The following CERS1 variants were observed in gnomAD, a reference collection of about 807,000 sequenced individuals.
The protein encoded by CERS1 is ceramide synthase 1.
In CERS1, 16 loss-of-function variants were observed where a neutral mutation model predicts 35.7. That is an observed-to-expected ratio of 0.45 (90% CI 0.30 to 0.68). The LOEUF (loss-of-function observed/expected upper bound fraction) is 0.68, where lower values mean the gene tolerates loss of function less well. Among genes scored for constraint, CERS1 ranks in the 30% least tolerant of loss-of-function variants. The probability of loss-of-function intolerance (pLI) is 0.08; values close to 1 mark genes in which losing one functional copy is unlikely to be tolerated. For missense variants in CERS1, 454 were observed against 453.9 expected, an observed-to-expected ratio of 1.00 and a Z score of 0.00; for synonymous variants, 243 against 201.6, an observed-to-expected ratio of 1.21 and a Z score of -1.74.
chr19:18,882,353 C>A (rs1184665382), intron 3 of CERS1, among the ~76,000 whole-genome samples: 1 of 151,960 alleles, frequency 6.6e-6, no homozygotes, highest in Non-Finnish European at 1.5e-5. Context: ...TTTAAACTAA[C>A]CAGACGTGGT....
Position 18,878,103 on chromosome 19 carries a change from A to C in CERS1, c.1010+827T>G. On this transcript the variant is annotated intron_variant, in intron 6 of 7. Transcript: ENST00000623882. The surrounding 1 kb of genome is among the most constrained non-coding windows in gnomAD (Gnocchi z 4.6). ...GAGCTCTGAGCCACTGCTTCCCTGA[A>C]ACCATCGTTCCCACGTCACCGATGG... 1 of 985,596 alleles carries C rather than the reference A, an allele frequency of 1.0e-6. No homozygotes were observed. The highest frequency in any genetic ancestry group is 1.2e-6 in the Non-Finnish European group (1 of 830,016). The allele number at this position is 985,596 out of a possible 1,614,324, so 61.1% of individuals were successfully genotyped here.
At position 18,870,432 on chromosome 19, in the gene CERS1, G is replaced by A; in HGVS notation, c.*145C>T. The A allele has an allele frequency of 1.0e-6, 1 of 994,916 alleles. No homozygotes were observed. Among genetic ancestry groups the A allele is most frequent in the Admixed American group, 2.2e-5 (1 of 46,088 alleles). 61.6% of individuals were successfully genotyped at this position (994,916 alleles called of 1,614,324 possible). ...TGGGGGGCGTGGCCGGGAACTGGAG[G>A]CAGGATGAGGGGGCGGGGTCCCAGG... On this transcript the variant is annotated 3_prime_UTR_variant, in exon 7 of 8. Coordinates refer to ENST00000623882, the MANE Select transcript of CERS1 (RefSeq NM_021267.5). The surrounding 1 kb of genome is among the most constrained non-coding windows in gnomAD (Gnocchi z 5.1).
At position 18,896,057 on chromosome 19, in the gene CERS1, G is replaced by A; in HGVS notation, c.16C>T (p.Pro6Ser). Residue 6 changes from proline (P) to serine (S), a missense_variant, in exon 1 of 8, where the codon CCC becomes TCC. Transcript: ENST00000623882. The surrounding 1 kb of genome is among the most constrained non-coding windows in gnomAD (Gnocchi z 5.9). Reference sequence around the variant, plus strand: ...TCGGGCCCCGTCGGCCCCGCCGCGGGCCCCGCCGCCGCCATACCGCCCGCT... The same window carrying A: ...TCGGGCCCCGTCGGCCCCGCCGCGGACCCCGCCGCCGCCATACCGCCCGCT... Reference protein sequence around the residue: MAAAGPAAGPTGPEPM... With the variant: MAAAGSAAGPTGPEPM... 1 of 982,440 alleles carries A rather than the reference G, an allele frequency of 1.0e-6. No homozygotes were observed. The highest frequency in any genetic ancestry group is 1.2e-6 in the Non-Finnish European group (1 of 828,928). The allele number at this position is 982,440 out of a possible 1,614,324, so 60.9% of individuals were successfully genotyped here. A position where few individuals can be genotyped will look rare whatever the true frequency, so the allele number is the denominator to read the frequency against.
In CERS1 at chr19:18,891,519, G is replaced by A. The variant is rs1286678515; in HGVS notation, c.409+1897C>T. Among the ~76,000 whole-genome samples the A allele has an allele frequency of 3.4e-5, 5 of 145,716 alleles. No homozygotes were observed. In the South Asian group the frequency reaches 7.3e-4, roughly 21 times the overall value. On this transcript the variant is annotated intron_variant, in intron 2 of 7. Transcript: ENST00000623882. Reference sequence around the variant, plus strand: ...AGTCACCTCCCTGCCCAGCCCACCCGGAGCTCAGGCCACATCCACTCCAAT... The same window carrying A: ...AGTCACCTCCCTGCCCAGCCCACCCAGAGCTCAGGCCACATCCACTCCAAT...
chr19:18,875,905 G>C (rs1332421212), intron 6 of CERS1, among the ~76,000 whole-genome samples: 1 of 152,234 alleles, frequency 6.6e-6, no homozygotes, highest in Non-Finnish European at 1.5e-5. Context: ...TCCTCGCTTA[G>C]AGTTCCCAGA....
intron 1 of CERS1, 68 bp from the exon 2 acceptor site, chr19:18,893,643 G>C: frequency 2.7e-6 from 4 of 1,491,988 alleles, no homozygotes; most frequent in Non-Finnish European, 3.6e-6. Flanking sequence ...TTGGGGTGGG[G>C]AAACTGAGGC....
intron 3 of CERS1, chr19:18,883,366 A>G (rs961260386): frequency 6.6e-6 from 1 of 152,160 alleles, no homozygotes; most frequent in African/African-American, 2.4e-5. Context: ...TGTCATTTCA[A>G]TATGGAGTCG....
chr19:18,895,783 C>G lies in CERS1; in HGVS notation c.249+41G>C, dbSNP rs2056610362. ...CCAGGTCCCCGGTCCCGGCTTCCCC[C>G]AGTCCGGGGTCCCCTCGTCCCGGCC... On this transcript the variant is annotated intron_variant, in intron 1 of 7. Transcript: ENST00000623882. The surrounding 1 kb of genome is among the most constrained non-coding windows in gnomAD (Gnocchi z 6.4). 8.9e-7 allele frequency: 1 copy of G among 1,125,088 alleles called. No individual in the cohort carries two copies. Among genetic ancestry groups the G allele is most frequent in the African/African-American group, 1.7e-5 (1 of 59,198 alleles). The allele number at this position is 1,125,088 out of a possible 1,614,324, so 69.7% of individuals were successfully genotyped here. A position where few individuals can be genotyped will look rare whatever the true frequency, so the allele number is the denominator to read the frequency against.
rs1421621986 is a variant in CERS1 at position 18,895,012 on chromosome 19, A to T, written c.249+812T>A. ...GGGAAGTGAGTGGGGTCAGGCGCCA[A>T]TGTCACCATCATGGTCACTCTCTCG... On this transcript the variant is annotated intron_variant, in intron 1 of 7. Coordinates refer to ENST00000623882, the MANE Select transcript of CERS1 (RefSeq NM_021267.5). This position sits in a 1 kb window ranked among gnomAD's most constrained non-coding sequence, Gnocchi z 6.4. Among the ~76,000 whole-genome samples the T allele has an allele frequency of 6.6e-6, 1 of 152,174 alleles. No homozygotes were observed. The highest frequency in any genetic ancestry group is 1.5e-5 in the Non-Finnish European group (1 of 68,010).
intron 2 of CERS1, among the ~76,000 whole-genome samples, chr19:18,890,634 C>T (rs1179799454): frequency 2.0e-5 from 3 of 150,936 alleles, no homozygotes; most frequent in South Asian, 2.1e-4. Context: ...CAAAAAAATT[C>T]GCTGGGGGTG....
In CERS1 at chr19:18,870,492, AG is replaced by A; in HGVS notation, c.*84del. 1 of 38,482 alleles carries A rather than the reference AG, an allele frequency of 2.6e-5. No homozygotes were observed. The highest frequency in any genetic ancestry group is 6.1e-5 in the Non-Finnish European group (1 of 16,480). 2.4% of individuals were successfully genotyped at this position (38,482 alleles called of 1,614,324 possible). ...GGCGGCCCTAGAGGAGCAGAGTTGG[AG>A]GGGGTGGAGGGGCGGCCAAGGACGG... is the stretch of plus-strand genomic sequence containing the variant. On this transcript the variant is annotated 3_prime_UTR_variant, in exon 7 of 8. Coordinates refer to ENST00000623882, the MANE Select transcript of CERS1 (RefSeq NM_021267.5). The surrounding 1 kb of genome is among the most constrained non-coding windows in gnomAD (Gnocchi z 5.1).
intron 2 of CERS1, among the ~76,000 whole-genome samples, chr19:18,886,148 G>A (rs1033794171): frequency 6.7e-6 from 1 of 150,198 alleles, no homozygotes; most frequent in African/African-American, 2.5e-5. Context: ...GCTCATGCCT[G>A]TAATCCCAGC....
Position 18,892,593 on chromosome 19 carries a change from G to C in CERS1, c.409+823C>G, listed in dbSNP as rs559352711. Among the ~76,000 whole-genome samples, 3 of 152,044 alleles carry C rather than the reference G, an allele frequency of 2.0e-5. No individual in the cohort carries two copies. The East Asian group carries it at 5.9e-4, about 30-fold the overall frequency. ...CGCGCCACTGCACTCTAGCCTGGGC[G>C]ACAGAGCGAGACTCCATCTCAAAAA... On this transcript the variant is annotated intron_variant, in intron 2 of 7. Coordinates refer to ENST00000623882, the MANE Select transcript of CERS1 (RefSeq NM_021267.5).
At position 18,879,308 on chromosome 19, in the gene CERS1, ATGTCAGGCACCG is replaced by A; in HGVS notation, c.821_832del (p.Thr274_Asp277del). Reference sequence around the variant, plus strand: ...CGCATTGAAGAAGAAGTAGAAGGGGATGTCAGGCACCGTGCGCAGACTGCAGTGACTGGTGGC... The same window carrying A: ...CGCATTGAAGAAGAAGTAGAAGGGGATGCGCAGACTGCAGTGACTGGTGGC... On this transcript the variant is annotated inframe_deletion, in exon 5 of 8. Transcript: ENST00000623882. 6.2e-7 allele frequency: 1 copy of A among 1,612,580 alleles called. No individual in the cohort carries two copies. The highest frequency in any genetic ancestry group is 8.5e-7 in the Non-Finnish European group (1 of 1,179,378).
At chr19:18,881,814 C>T (rs1365405645) in intron 3 of CERS1, 1 of 152,080 alleles carries the variant, frequency 6.6e-6, no homozygotes, top group African/African-American at 2.4e-5. Flanking sequence ...TAACACCTAA[C>T]ACCTGCAGCC....
chr19:18,888,966 A>T (rs1235326174), intron 2 of CERS1, among the ~76,000 whole-genome samples: 1 of 140,620 alleles, frequency 7.1e-6, no homozygotes. Context: ...ATCTCGACTC[A>T]CTGCAACCTC....
rs770302380 is a variant in CERS1, at chr19:18,884,267, T to C, written c.410A>G (p.Asp137Gly). The change falls in exon 3 of 8, where the codon GAC (aspartate) becomes GGC (glycine). Residue 137 changes from aspartate to glycine, a missense_variant and splice_region_variant. Asp to Gly is a moderately conservative substitution (Grantham distance 94, BLOSUM62 -1). Coordinates refer to ENST00000623882, the MANE Select transcript of CERS1 (RefSeq NM_021267.5). ...FFHDPPSVFYDWTPGMAVPRD... is the reference protein window; with the variant it reads ...FFHDPPSVFYGWTPGMAVPRD... ...TGGCACTGCCATGCCCGGCGTCCAG[T>C]CTGGGGAGAGCCAAATCTCACAGTC... 5 of 1,609,834 alleles carry C rather than the reference T, an allele frequency of 3.1e-6. No homozygotes were observed. The highest frequency in any genetic ancestry group is 2.5e-6 in the Non-Finnish European group (3 of 1,178,712).
chr19:18,870,234 GGCAGCGAGGGCA>G lies in CERS1; in HGVS notation c.*331_*342del, dbSNP rs1179919756. 3.9e-6 allele frequency: 6 copies of G among 1,552,600 alleles called. No individual in the cohort carries two copies. The highest frequency in any genetic ancestry group is 5.2e-6 in the Non-Finnish European group (6 of 1,152,588). Reference sequence around the variant, plus strand: ...TGGGGGCACGGGGGCGCGGGTCAGGGGCAGCGAGGGCAGCAGCAGGGCCAGGAGGAGGAGGAG... The same window carrying G: ...TGGGGGCACGGGGGCGCGGGTCAGGGGCAGCAGGGCCAGGAGGAGGAGGAG... On this transcript the variant is annotated 3_prime_UTR_variant, in exon 7 of 8. Coordinates refer to ENST00000623882, the MANE Select transcript of CERS1 (RefSeq NM_021267.5). The surrounding 1 kb of genome is among the most constrained non-coding windows in gnomAD (Gnocchi z 5.1).
intron 6 of CERS1, among the ~76,000 whole-genome samples, chr19:18,872,031 C>T (rs556715521): frequency 1.8e-4 from 28 of 152,288 alleles, no homozygotes; most frequent in African/African-American, 5.3e-4. Flanking sequence ...AGAGGGTCCC[C>T]GTGCTTTCCA....
Sources: allele counts gnomAD v4.1 joint callset (sites outside exome capture counted in the v4.1 genomes callset), GRCh38; gene constraint gnomAD v4.1.1; non-coding constraint Gnocchi (gnomAD v3.1); transcripts MANE v1.5; gene names NCBI Gene and HGNC (gene_info 2026-07-23, HGNC 2026-07-21).